Variants in CHRNB4 observed in about 807,000 individuals in gnomAD.
The protein encoded by CHRNB4 is cholinergic receptor nicotinic beta 4 subunit.
Under a neutral mutation model 40.4 loss-of-function variants are expected in CHRNB4, and 23 were observed. The observed-to-expected ratio is 0.57, with a 90% confidence interval of 0.41 to 0.81. The LOEUF is 0.81. Ranked by LOEUF, CHRNB4 falls within the 30% of genes least tolerant of loss-of-function variation. CHRNB4 has a pLI of 0.00. For synonymous variants in CHRNB4, 285 were observed against 274.4 expected, an observed-to-expected ratio of 1.04 and a Z score of -0.38; for missense variants, 568 against 670.6, an observed-to-expected ratio of 0.85 and a Z score of 1.69.
upstream of CHRNB4, among the ~76,000 whole-genome samples, chr15:78,644,740 T>G (rs1015815886): frequency 5.3e-5 from 8 of 152,240 alleles, no homozygotes; most frequent in African/African-American, 1.9e-4. Flanking sequence ...CAAATTAATC[T>G]ATAAATTCAA....
chr15:78,649,235 C>G, intron 7 of CHRNB4: 1 of 270,486 alleles, frequency 3.7e-6, no homozygotes, highest in Non-Finnish European at 7.3e-6. Context: ...CCGTCCAATG[C>G]CTAGCCCTTC....
intron 2 of CHRNB4, 70 bp downstream of exon 2, chr15:78,635,369 G>A (rs2053925377): frequency 6.4e-7 from 1 of 1,568,892 alleles, no homozygotes; most frequent in Non-Finnish European, 8.6e-7. Context: ...TTTGACCAAT[G>A]ATCGCCTGGG....
At position 78,627,840 on chromosome 15, in the gene CHRNB4, T is replaced by C. The variant is rs143520168; in HGVS notation, c.1338+1127A>G. The C allele has an allele frequency of 7.2e-5, 11 of 152,298 alleles. No individual in the cohort carries two copies. The East Asian group carries it at 2.1e-3, about 29-fold the overall frequency. The allele number at this position is 152,298 out of a possible 1,614,324, so 9.4% of individuals were successfully genotyped here. A position where few individuals can be genotyped will look rare whatever the true frequency, so the allele number is the denominator to read the frequency against. On this transcript the variant is annotated intron_variant, in intron 5 of 5. Transcript: ENST00000261751. Reference sequence around the variant, plus strand: ...GACTCCAGCACTCATTGCTTTATCCTGTGAAAGTAAATTAAACCTCTTTTT... The same window carrying C: ...GACTCCAGCACTCATTGCTTTATCCCGTGAAAGTAAATTAAACCTCTTTTT...
At position 78,629,123 on chromosome 15, in the gene CHRNB4, A is replaced by G. The variant is rs2053730621; in HGVS notation, c.1182T>C (p.Ser394=). 1 of 1,614,156 alleles carries G rather than the reference A, an allele frequency of 6.2e-7. No individual in the cohort carries two copies. The highest frequency in any genetic ancestry group is 1.1e-5 in the South Asian group (1 of 91,078). ...GNSMYFVNPA[S]AASKSPAGST... is the part of the protein sequence containing the mutation. Reference sequence around the variant, plus strand: ...AGCCGGCTGGAGACTTGGAAGCTGCAGAGGCGGGGTTCACAAAGTACATGG... The same window carrying G: ...AGCCGGCTGGAGACTTGGAAGCTGCGGAGGCGGGGTTCACAAAGTACATGG... Residue 394 remains serine, a synonymous_variant, in exon 5 of 6, where the codon TCT becomes TCC. Coordinates refer to ENST00000261751, the MANE Select transcript of CHRNB4 (RefSeq NM_000750.5). The surrounding 1 kb of genome is among the most constrained non-coding windows in gnomAD (Gnocchi z 6.8).
intron 2 of CHRNB4, among the ~76,000 whole-genome samples, chr15:78,632,456 G>T (rs907634564): frequency 1.3e-5 from 2 of 151,858 alleles, no homozygotes; most frequent in African/African-American, 2.4e-5. Flanking sequence ...TACAGGCACA[G>T]GCCACCATAC....
At chr15:78,640,664 G>A (rs1429645374) in intron 1 of CHRNB4, among the ~76,000 whole-genome samples, 1 of 152,212 alleles carries the variant, frequency 6.6e-6, no homozygotes, top group African/African-American at 2.4e-5. Context: ...CTGCACCCAC[G>A]CTTCAAGAAA....
chr15:78,651,123 G>A (rs941509555), intron 6 of CHRNB4, among the ~76,000 whole-genome samples: 1 of 152,084 alleles, frequency 6.6e-6, no homozygotes, highest in East Asian at 1.9e-4. Flanking sequence ...AAAAACAGCT[G>A]AAGCAACCAT....
chr15:78,632,041 C>T (rs1047497303), intron 2 of CHRNB4, among the ~76,000 whole-genome samples: 1 of 152,192 alleles, frequency 6.6e-6, no homozygotes, highest in African/African-American at 2.4e-5. Context: ...GATGCTTCCA[C>T]ACTTTATTCT....
rs974318324 is a variant in CHRNB4, at chr15:78,624,625, C to T, written c.*508G>A. ...GGGCACGGTGGCGGCTTTCTGTAAT[C>T]CCAGCTACTTGGGAGGTTGAGGCAG... On this transcript the variant is annotated 3_prime_UTR_variant, in exon 6 of 6. Transcript: ENST00000261751. 9 of 220,446 alleles carry T rather than the reference C, an allele frequency of 4.1e-5. No homozygotes were observed. The highest frequency in any genetic ancestry group is 7.1e-5 in the Non-Finnish European group (8 of 113,254). The allele number at this position is 220,446 out of a possible 1,614,324, so 13.7% of individuals were successfully genotyped here.
intron 7 of CHRNB4, among the ~76,000 whole-genome samples, chr15:78,646,435 G>T (rs1035574852): frequency 2.6e-5 from 4 of 152,222 alleles, no homozygotes; most frequent in African/African-American, 7.2e-5. Context: ...AACATAGGAG[G>T]ATATCATTAT....
chr15:78,646,383 G>A (rs538100412), intron 7 of CHRNB4, among the ~76,000 whole-genome samples: 3 of 152,334 alleles, frequency 2.0e-5, no homozygotes, highest in Non-Finnish European at 4.4e-5. Flanking sequence ...GTTCATTAAA[G>A]ATTTAGTTTG....
intron 1 of CHRNB4, among the ~76,000 whole-genome samples, chr15:78,659,507 T>C (rs2054236732): frequency 2.0e-5 from 3 of 151,634 alleles, no homozygotes; most frequent in Admixed American, 2.0e-4. Context: ...CAAAACAGAG[T>C]GATGTGCTGC....
At chr15:78,654,945 T>G (rs770126363) in intron 5 of CHRNB4, among the ~76,000 whole-genome samples, 1 of 151,932 alleles carries the variant, frequency 6.6e-6, no homozygotes, top group East Asian at 1.9e-4. Context: ...GTTTTAAGAG[T>G]TTCCCCCCAC....
intron 6 of CHRNB4, among the ~76,000 whole-genome samples, chr15:78,649,616 C>T (rs1205044219): frequency 6.6e-6 from 1 of 152,052 alleles, no homozygotes; most frequent in African/African-American, 2.4e-5. Flanking sequence ...CAATTATTAA[C>T]AAAAATCTTT....
intron 4 of CHRNB4, 80 bp from the exon 5 acceptor site, chr15:78,630,025 C>T: frequency 7.0e-7 from 1 of 1,435,052 alleles, no homozygotes; most frequent in South Asian, 1.5e-5. Flanking sequence ...ACTGAAGAGC[C>T]CTTTGGGATT....
intron 5 of CHRNB4, chr15:78,628,310 A>G (rs1337820285): frequency 6.6e-6 from 1 of 152,334 alleles, no homozygotes. Context: ...AAGTCTGAAC[A>G]GAATAGGGCA....
chr15:78,641,289 G>A (rs927866933), upstream of CHRNB4: 7 of 613,128 alleles, frequency 1.1e-5, no homozygotes, highest in East Asian at 3.5e-5. Context: ...GCCGAGCCCC[G>A]CCCACTCAGG....
At chr15:78,633,599 C>T in intron 2 of CHRNB4, among the ~76,000 whole-genome samples, 1 of 152,204 alleles carries the variant, frequency 6.6e-6, no homozygotes, top group East Asian at 1.9e-4. Flanking sequence ...TGGGCTCAAA[C>T]TTACCCCCTG....
At chr15:78,627,387 G>C (rs2053681806) in intron 5 of CHRNB4, 1 of 151,800 alleles carries the variant, frequency 6.6e-6, no homozygotes, top group Non-Finnish European at 1.5e-5. Context: ...GGTGCTGCTG[G>C]TCCAAGAACT....
Sources: allele counts gnomAD v4.1 joint callset (sites outside exome capture counted in the v4.1 genomes callset), GRCh38; gene constraint gnomAD v4.1.1; non-coding constraint Gnocchi (gnomAD v3.1); transcripts MANE v1.5; gene names NCBI Gene and HGNC (gene_info 2026-07-23, HGNC 2026-07-21).